The following DCLRE1A variants were observed in gnomAD, a reference collection of about 807,000 sequenced individuals.
DCLRE1A encodes DNA cross-link repair 1A protein.
A neutral mutation model predicts 91.9 loss-of-function variants in DCLRE1A; 64 were observed. That is an observed-to-expected ratio of 0.70 (90% confidence interval 0.57 to 0.86). The LOEUF (loss-of-function observed/expected upper bound fraction) is 0.86. Ranked by LOEUF, DCLRE1A falls within the 40% of genes least tolerant of loss-of-function variation. DCLRE1A has a pLI of 0.00. For synonymous variants in DCLRE1A, 416 were observed against 431.1 expected (o/e 0.96, Z 0.43); for missense variants, 1,145 against 1,213.3 (o/e 0.94, Z 0.84).
At position 113,845,734 on chromosome 10, in the gene DCLRE1A, T is replaced by A; in HGVS notation, c.2329A>T (p.Thr777Ser). Reference sequence around the variant, plus strand: ...TTGACACCATTCACAATACATTCAGTGTCCAGTGGCAATGGGTGAATATAT... The same window carrying A: ...TTGACACCATTCACAATACATTCAGAGTCCAGTGGCAATGGGTGAATATAT... ...EQYIHPLPLD[T>S]ECIVNGVKVV... The change falls in exon 4 of 9, where the codon ACT (threonine) becomes TCT (serine). Residue 777 changes from threonine to serine, a missense_variant. Physicochemically the swap from Thr to Ser is moderately conservative, Grantham distance 58. Transcript: ENST00000361384. 6.2e-7 allele frequency: 1 copy of A among 1,614,176 alleles called. No homozygotes were observed. Among genetic ancestry groups the A allele is most frequent in the East Asian group, 2.2e-5 (1 of 44,854 alleles).
chr10:113,839,493 C>T (rs1265836435), intron 7 of DCLRE1A, among the ~76,000 whole-genome samples: 4 of 151,874 alleles, frequency 2.6e-5, no homozygotes, highest in Admixed American at 6.6e-5. Flanking sequence ...TTTCCATTAT[C>T]ATTGCTAGAA....
Position 113,850,066 on chromosome 10 carries a change from G to A in DCLRE1A, c.1039C>T (p.Arg347Ter), listed in dbSNP as rs1212761218. ...TGGTCCTTCAGTAAGGGACCATGTC[G>A]TTTTTTAAAAAAACCACAGCTGTCA... ...DDDSCGFFKK[R>*]HGPLLKDQDE... is the part of the protein sequence containing the mutation. Residue 347 changes from arginine to a stop codon, truncating the protein, a stop_gained, in exon 2 of 9, where the codon CGA becomes TGA. Coordinates refer to ENST00000361384, the MANE Select transcript of DCLRE1A (RefSeq NM_014881.5). LOFTEE classifies it high-confidence loss of function. The A allele has an allele frequency of 6.8e-6, 11 of 1,613,524 alleles. No homozygotes were observed. Among genetic ancestry groups the A allele is most frequent in the South Asian group, 3.3e-5 (3 of 91,024 alleles).
In DCLRE1A at chr10:113,842,367, TAG is replaced by T; in HGVS notation, c.2639_2640del (p.Ser880TyrfsTer12). On this transcript the variant is annotated frameshift_variant, in exon 6 of 9. Coordinates refer to ENST00000361384, the MANE Select transcript of DCLRE1A (RefSeq NM_014881.5). LOFTEE classifies it high-confidence loss of function. ...PHALVVCGTY[S>X]IGKEKVFLAI... ...CCTAGGAAGACTTTCTCTTTTCCAA[TAG>T]AGTAAGTGCCACAGACAACAAGAGC... 6.2e-7 allele frequency: 1 copy of T among 1,613,524 alleles called. No homozygotes were observed. The highest frequency in any genetic ancestry group is 8.5e-7 in the Non-Finnish European group (1 of 1,179,608).
At position 113,845,487 on chromosome 10, in the gene DCLRE1A, A is replaced by C. The variant is rs148793206; in HGVS notation, c.2378+198T>G. On this transcript the variant is annotated intron_variant, in intron 4 of 8. Coordinates refer to ENST00000361384, the MANE Select transcript of DCLRE1A (RefSeq NM_014881.5). ...AAACTGGATAAAAAATGGGTTAGAT[A>C]ACATTTAGAAGATCCCTTTACTTTT... Among the ~76,000 whole-genome samples, 37 of 152,374 alleles carry C rather than the reference A, an allele frequency of 2.4e-4. No homozygotes were observed. In the East Asian group the frequency reaches 6.7e-3, roughly 28 times the overall value.
rs746845057 is a variant in DCLRE1A, at chr10:113,849,816, G to C, written c.1289C>G (p.Pro430Arg). The change falls in exon 2 of 9, where the codon CCT (proline) becomes CGT (arginine). Residue 430 changes from proline to arginine, a missense_variant. Transcript: ENST00000361384. ...AGCTGAGTGAAATTCTGGCTCATCA[G>C]GTTTTGCTTTAGTTGCCTGATGAAC... Reference protein sequence around the residue: ...ASVHQATKAKPDEPEFHSAQS... With the variant: ...ASVHQATKAKRDEPEFHSAQS... The C allele has an allele frequency of 6.8e-6, 11 of 1,613,992 alleles. No homozygotes were observed. The Admixed American group carries it at 1.8e-4, about 27-fold the overall frequency.
Position 113,850,134 on chromosome 10 carries a change from A to G in DCLRE1A, c.971T>C (p.Phe324Ser). 1 of 1,614,080 alleles carries G rather than the reference A, an allele frequency of 6.2e-7. No homozygotes were observed. Residue 324 changes from phenylalanine to serine, a missense_variant, in exon 2 of 9, where the codon TTT (phenylalanine) becomes TCT (serine). Phe to Ser is a radical substitution (Grantham distance 155). Coordinates refer to ENST00000361384, the MANE Select transcript of DCLRE1A (RefSeq NM_014881.5). ...EKPDDSQEQLFFTESSKDGSL... is the reference protein window; with the variant it reads ...EKPDDSQEQLSFTESSKDGSL... ...GCCATCTTTTGAGCTTTCGGTAAAA[A>G]ACAGTTGTTCTTGTGAATCATCCGG... is the stretch of plus-strand genomic sequence containing the variant.
Position 113,837,102 on chromosome 10 carries a change from T to G in DCLRE1A, c.2922A>C (p.Ala974=), listed in dbSNP as rs1845373759. ...WTHSNKFTRI[A]DVIPQTKGNI... ...TTCCTTTGGTCTGGGGAATAACATC[T>G]GCTATTCTAGTGAACTTGTTAGAGT... Residue 974 remains alanine (A), a synonymous_variant, in exon 8 of 9, where the codon GCA becomes GCC. Coordinates refer to ENST00000361384, the MANE Select transcript of DCLRE1A (RefSeq NM_014881.5). 6.2e-7 allele frequency: 1 copy of G among 1,612,688 alleles called. No individual in the cohort carries two copies.
chr10:113,840,325 T>C (rs560883275), intron 7 of DCLRE1A, among the ~76,000 whole-genome samples: 2 of 151,648 alleles, frequency 1.3e-5, no homozygotes, highest in East Asian at 3.9e-4. Context: ...AAAAAAAAGT[T>C]TGAGTTTGTA....
rs1845621869 is a variant in DCLRE1A at position 113,850,218 on chromosome 10, C to A, written c.887G>T (p.Cys296Phe). 2 of 1,614,166 alleles carry A rather than the reference C, an allele frequency of 1.2e-6. No individual in the cohort carries two copies. Among genetic ancestry groups the A allele is most frequent in the African/African-American group, 2.7e-5 (2 of 75,038 alleles). ...TTGAAGTGGAGAATAGGAGATTTCACAGTCACTGAAGTCATTTTCTGGCAA... is the reference window on the plus strand; with the variant it reads ...TTGAAGTGGAGAATAGGAGATTTCAAAGTCACTGAAGTCATTTTCTGGCAA... ...LPLPENDFSD[C>F]EISYSPLQSD... Residue 296 changes from cysteine (C) to phenylalanine (F), a missense_variant, in exon 2 of 9, where the codon TGT (cysteine) becomes TTT (phenylalanine). By Grantham distance (205) the Cys-to-Phe change is radical (BLOSUM62 -2). Coordinates refer to ENST00000361384, the MANE Select transcript of DCLRE1A (RefSeq NM_014881.5).
chr10:113,841,151 T>A (rs992657124), intron 7 of DCLRE1A, among the ~76,000 whole-genome samples: 1 of 152,222 alleles, frequency 6.6e-6, no homozygotes, highest in Admixed American at 6.5e-5. Context: ...GATAGCTGCA[T>A]ACCTTTCCAT....
intron 4 of DCLRE1A, among the ~76,000 whole-genome samples, chr10:113,845,216 T>C (rs971085497): frequency 4.6e-5 from 7 of 152,076 alleles, no homozygotes; most frequent in Non-Finnish European, 1.0e-4. Flanking sequence ...ATGGAGGCCA[T>C]TTCCAAGAAA....
At chr10:113,843,231 A>G (rs950185876) in intron 5 of DCLRE1A, among the ~76,000 whole-genome samples, 4 of 152,160 alleles carry the variant, frequency 2.6e-5, no homozygotes, top group Non-Finnish European at 4.4e-5. Context: ...TATTTTTCCC[A>G]ATTTTCAGAA....
chr10:113,835,132 C>T lies in DCLRE1A; in HGVS notation c.*20G>A. 6.2e-7 allele frequency: 1 copy of T among 1,607,546 alleles called. No homozygotes were observed. Among genetic ancestry groups the T allele is most frequent in the Non-Finnish European group, 8.5e-7 (1 of 1,177,308 alleles). On this transcript the variant is annotated 3_prime_UTR_variant, in exon 9 of 9. Transcript: ENST00000361384. ...CTACATCCAAGGAACTTAACTACTA[C>T]TGAATCCTCGGAGGTATCATCAATA... is the stretch of plus-strand genomic sequence containing the variant.
At chr10:113,846,593 T>A (rs1205782798) in intron 3 of DCLRE1A, among the ~76,000 whole-genome samples, 1 of 152,088 alleles carries the variant, frequency 6.6e-6, no homozygotes, top group East Asian at 1.9e-4. Flanking sequence ...TGAAGCTCGA[T>A]ACAGTCATGT....
At position 113,852,918 on chromosome 10, in the gene DCLRE1A, G is replaced by A. The variant is rs774662930; in HGVS notation, c.265C>T (p.Gln89Ter). 3.1e-6 allele frequency: 5 copies of A among 1,614,050 alleles called. No individual in the cohort carries two copies. Among genetic ancestry groups the A allele is most frequent in the Non-Finnish European group, 4.2e-6 (5 of 1,180,028 alleles). ...SQNSSCGDGI[Q>*]QTQDKETTPG... ...GTAGTTTCCTTGTCTTGGGTCTGCT[G>A]AATACCATCTCCACAACTTGAATTC... is the stretch of plus-strand genomic sequence containing the variant. The change falls in exon 1 of 9, where the codon CAG becomes TAG. Residue 89 changes from glutamine to a stop codon, truncating the protein, a stop_gained. Transcript: ENST00000361384. LOFTEE classifies it high-confidence loss of function.
intron 7 of DCLRE1A, among the ~76,000 whole-genome samples, chr10:113,841,008 G>A (rs900639761): frequency 6.6e-6 from 1 of 152,022 alleles, no homozygotes; most frequent in Non-Finnish European, 1.5e-5. Context: ...TATCAATCTA[G>A]AAAGGCTTAA....
Position 113,851,054 on chromosome 10 carries a change from C to T in DCLRE1A, c.461-410G>A, listed in dbSNP as rs17235080. On this transcript the variant is annotated intron_variant, in intron 1 of 8. Coordinates refer to ENST00000361384, the MANE Select transcript of DCLRE1A (RefSeq NM_014881.5). ...TGGCTTACAACCTAACTTAAAAATG[C>T]CTCTTAAAAGCATTTGTTATAGAAT... Among the ~76,000 whole-genome samples the T allele has an allele frequency of 4.6e-3, 704 of 152,198 alleles. 5 individuals carry two copies. Among genetic ancestry groups the T allele is most frequent in the African/African-American group, 0.016 (678 of 41,532 alleles).
intron 4 of DCLRE1A, 25 bp downstream of exon 4, chr10:113,845,660 C>T (rs545922101): frequency 2.6e-6 from 4 of 1,537,930 alleles, no homozygotes; most frequent in African/African-American, 2.7e-5. Context: ...AAAAAATGTG[C>T]TATTAAGATG....
At chr10:113,842,076 T>C (rs4570535) in intron 6 of DCLRE1A, among the ~76,000 whole-genome samples, 4 of 152,164 alleles carry the variant, frequency 2.6e-5, no homozygotes, top group Admixed American at 2.6e-4. Flanking sequence ...GTTTACTAAA[T>C]AACAATGTAG....
Sources: allele counts gnomAD v4.1 joint callset (sites outside exome capture counted in the v4.1 genomes callset), GRCh38; gene constraint gnomAD v4.1.1; transcripts MANE v1.5; gene names NCBI Gene and HGNC (gene_info 2026-07-23, HGNC 2026-07-21).